Variants in KSR1 observed in about 807,000 individuals in gnomAD.
The protein encoded by KSR1 is kinase suppressor of ras.
Under a neutral mutation model 92.9 loss-of-function variants are expected in KSR1, and 35 were observed. That is an observed-to-expected ratio of 0.38 (90% CI 0.29 to 0.50). The LOEUF is 0.50. Among genes scored for constraint, KSR1 ranks in the 20% least tolerant of loss-of-function variants. The pLI, the probability that KSR1 is intolerant of heterozygous loss-of-function variation, is 0.94. For synonymous variants in KSR1, 467 were observed against 472.6 expected (o/e 0.99, Z 0.15); for missense variants, 972 against 1,158.5 (o/e 0.84, Z 2.34).
intron 2 of KSR1, chr17:27,560,326 C>T (rs979230558): frequency 1.2e-5 from 5 of 421,578 alleles, no homozygotes; most frequent in Non-Finnish European, 4.7e-6. Context: ...AAGTGGCAAG[C>T]GCTGCCTGAG....
At chr17:27,611,103 C>A (rs2073901913) in intron 17 of KSR1, among the ~76,000 whole-genome samples, 1 of 152,202 alleles carries the variant, frequency 6.6e-6, no homozygotes, top group African/African-American at 2.4e-5. Context: ...CCTGAGCACC[C>A]ATGTGTGCCA....
At chr17:27,545,217 A>AG (rs1388917235) in intron 1 of KSR1, among the ~76,000 whole-genome samples, 3 of 152,196 alleles carry the variant, frequency 2.0e-5, no homozygotes, top group Admixed American at 1.3e-4. Flanking sequence ...CTTTAAAAAA[A>AG]GAAACCGCTT....
At chr17:27,589,708 C>T (rs2073097902) in intron 6 of KSR1, among the ~76,000 whole-genome samples, 1 of 152,202 alleles carries the variant, frequency 6.6e-6, no homozygotes, top group Non-Finnish European at 1.5e-5. Context: ...ACCAGCCTTG[C>T]ACTTTTTTTC....
intron 14 of KSR1, among the ~76,000 whole-genome samples, chr17:27,606,238 C>T (rs1309935595): frequency 6.6e-6 from 1 of 152,156 alleles, no homozygotes; most frequent in Non-Finnish European, 1.5e-5. Context: ...AAGATCATGC[C>T]ACTGCACTCC....
intron 1 of KSR1, among the ~76,000 whole-genome samples, chr17:27,474,480 C>T (rs1209854569): frequency 6.6e-6 from 1 of 152,184 alleles, no homozygotes; most frequent in Non-Finnish European, 1.5e-5. Context: ...GGCTGCACTG[C>T]CTTTCTGGCT....
intron 1 of KSR1, among the ~76,000 whole-genome samples, chr17:27,515,281 G>A (rs1250204361): frequency 6.6e-6 from 1 of 152,164 alleles, no homozygotes; most frequent in Non-Finnish European, 1.5e-5. Flanking sequence ...TAAGATTATA[G>A]TACTGTATTT....
intron 2 of KSR1, among the ~76,000 whole-genome samples, chr17:27,565,700 C>G (rs1212975923): frequency 6.6e-6 from 1 of 152,222 alleles, no homozygotes; most frequent in Non-Finnish European, 1.5e-5. Context: ...GTTGGAATTA[C>G]AGGTGTGAGC....
chr17:27,606,710 G>A (rs2073765083), intron 14 of KSR1, among the ~76,000 whole-genome samples: 1 of 151,486 alleles, frequency 6.6e-6, no homozygotes, highest in South Asian at 2.1e-4. Flanking sequence ...TCCTGGAGTG[G>A]AGTAGAGTTG....
rs2074239503 is a variant in KSR1, at chr17:27,622,080, A to G, written c.2708+807A>G. The G allele has an allele frequency of 5.3e-6, 4 of 752,156 alleles. No individual in the cohort carries two copies. The East Asian group carries it at 7.9e-5, about 15-fold the overall frequency. The allele number at this position is 752,156 out of a possible 1,614,324, so 46.6% of individuals were successfully genotyped here. On this transcript the variant is annotated intron_variant, in intron 20 of 20. Transcript: ENST00000644974. ...TGCTCCAGTCGTCTCTCTCGAGGCT[A>G]CTTCTTTTGCTTTGTTTTAAAAACT...
At chr17:27,552,859 A>G (rs912969439) in intron 2 of KSR1, among the ~76,000 whole-genome samples, 20 of 152,224 alleles carry the variant, frequency 1.3e-4, no homozygotes, top group East Asian at 3.8e-4. Context: ...AAGTTGACAC[A>G]TAGCACATCT....
At chr17:27,592,714 A>C in intron 9 of KSR1, 88 bp downstream of exon 9, 1 of 1,100,570 alleles carries the variant, frequency 9.1e-7, no homozygotes, top group South Asian at 1.5e-5. Context: ...TCAGTGGGGA[A>C]GTTTGGCATG....
At chr17:27,594,691 G>A (rs1432954537) in intron 9 of KSR1, among the ~76,000 whole-genome samples, 1 of 152,138 alleles carries the variant, frequency 6.6e-6, no homozygotes, top group Non-Finnish European at 1.5e-5. Flanking sequence ...ACATGGTGCT[G>A]AGAGGTGTTT....
chr17:27,517,051 A>C (rs2069825629), intron 1 of KSR1, among the ~76,000 whole-genome samples: 1 of 152,258 alleles, frequency 6.6e-6, no homozygotes, highest in South Asian at 2.1e-4. Context: ...ATATTTTGAA[A>C]TGGCCCTGCA....
intron 19 of KSR1, among the ~76,000 whole-genome samples, chr17:27,618,209 C>T (rs1248368141): frequency 6.6e-6 from 1 of 152,166 alleles, no homozygotes; most frequent in African/African-American, 2.4e-5. Context: ...TTTAGAAGCT[C>T]TCTCCCTCCT....
chr17:27,562,302 T>C (rs532503489), intron 2 of KSR1, among the ~76,000 whole-genome samples: 1 of 152,336 alleles, frequency 6.6e-6, no homozygotes, highest in African/African-American at 2.4e-5. Flanking sequence ...TGTTGAATGA[T>C]TGGATTCAAA....
chr17:27,517,491 T>C (rs1026244232), intron 1 of KSR1, among the ~76,000 whole-genome samples: 11 of 152,340 alleles, frequency 7.2e-5, no homozygotes, highest in African/African-American at 1.9e-4. Flanking sequence ...GGTTTTGCCA[T>C]GTTGCCCAGG....
At chr17:27,538,373 G>A (rs1226191847) in intron 1 of KSR1, among the ~76,000 whole-genome samples, 2 of 152,216 alleles carry the variant, frequency 1.3e-5, no homozygotes, top group Non-Finnish European at 2.9e-5. Context: ...GGCCACTGCA[G>A]CTTGTCTGTT....
intron 18 of KSR1, among the ~76,000 whole-genome samples, chr17:27,614,978 G>A (rs1394336301): frequency 6.6e-6 from 1 of 152,230 alleles, no homozygotes; most frequent in Admixed American, 6.5e-5. Flanking sequence ...TGTCTCTCCA[G>A]CCACACTGCT....
chr17:27,590,135 A>G (rs551150912), intron 6 of KSR1, among the ~76,000 whole-genome samples: 3 of 152,364 alleles, frequency 2.0e-5, no homozygotes, highest in Non-Finnish European at 4.4e-5. Context: ...GCACCCAGAA[A>G]GTTACCTTTA....
Sources: gnomAD v4.1 joint callset for allele counts (sites outside exome capture counted in the v4.1 genomes callset) on GRCh38, gnomAD v4.1.1 for gene constraint, MANE v1.5 for transcripts, NCBI Gene and HGNC (gene_info 2026-07-23, HGNC 2026-07-21) for gene names.